The following NXPE2 variants were observed in gnomAD, a reference collection of about 807,000 sequenced individuals.
The protein encoded by NXPE2 is neurexophilin and PC-esterase domain family member 2, also known as NXPE family member 2.
A neutral mutation model predicts 34.4 loss-of-function variants in NXPE2; 34 were observed. The ratio of observed to expected loss-of-function variants is 0.99; its 90% CI spans 0.75 to 1.31. The LOEUF (loss-of-function observed/expected upper bound fraction) is 1.31, where lower values mean the gene tolerates loss of function less well. Among genes scored for constraint, NXPE2 ranks in the 40% most tolerant of loss-of-function variants. The pLI is 0.00. For missense variants in NXPE2, 649 were observed against 672.5 expected (o/e 0.97, Z 0.39); for synonymous variants, 235 against 231.3 (o/e 1.02, Z -0.15).
chr11:114,792,275 T>A, the NXPE2 span, among the ~76,000 whole-genome samples: 1 of 152,152 alleles, frequency 6.6e-6, no homozygotes, highest in Admixed American at 6.5e-5. Context: ...AAAATTTTTA[T>A]CATAATGATT....
chr11:114,773,789 G>T, the NXPE2 span, among the ~76,000 whole-genome samples: 1 of 152,218 alleles, frequency 6.6e-6, no homozygotes, highest in African/African-American at 2.4e-5. Context: ...GAAGAAGGGA[G>T]AATTTCTTCT....
chr11:114,624,380 G>A, the NXPE2 span, among the ~76,000 whole-genome samples: 3,627 of 151,378 alleles, frequency 0.024, 135 homozygotes, highest in African/African-American at 0.081. Context: ...ACTGTTTCCC[G>A]TTCAATGATA....
At chr11:114,638,215 C>G in the NXPE2 span, among the ~76,000 whole-genome samples, 4 of 152,080 alleles carry the variant, frequency 2.6e-5, no homozygotes, top group South Asian at 8.3e-4. Context: ...TCATTCATTT[C>G]GTCTTTCATC....
At chr11:114,791,929 G>A in the NXPE2 span, among the ~76,000 whole-genome samples, 1,075 of 152,198 alleles carry the variant, frequency 7.1e-3, 15 homozygotes, top group African/African-American at 0.023. Flanking sequence ...ATGGTGGTGG[G>A]CGCCTGTAGT....
At chr11:114,522,853 T>C in the NXPE2 span, 2 of 1,522,020 alleles carry the variant, frequency 1.3e-6, no homozygotes, top group Non-Finnish European at 1.8e-6. Context: ...CCTGAATTTC[T>C]AAGAGAATAT....
chr11:114,772,506 T>A, the NXPE2 span, among the ~76,000 whole-genome samples: 1 of 152,194 alleles, frequency 6.6e-6, no homozygotes, highest in South Asian at 2.1e-4. Context: ...ATGTAATATG[T>A]GATGTTCTGG....
the NXPE2 span, among the ~76,000 whole-genome samples, chr11:114,601,505 A>ATTATTTAT: frequency 2.5e-5 from 2 of 79,720 alleles, no homozygotes; most frequent in South Asian, 3.4e-4. Context: ...TATAGTATAT[A>ATTATTTAT]AATTATATAT....
chr11:114,601,861 A>G, the NXPE2 span, among the ~76,000 whole-genome samples: 1 of 12,262 alleles, frequency 8.2e-5, no homozygotes, highest in African/African-American at 5.2e-4. Context: ...TATATAATAT[A>G]CAATTATATA....
the NXPE2 span, among the ~76,000 whole-genome samples, chr11:114,627,832 A>G: frequency 6.6e-6 from 1 of 151,358 alleles, no homozygotes; most frequent in Non-Finnish European, 1.5e-5. Context: ...AAGATCTACC[A>G]AGCAAATGGA....
the NXPE2 span, among the ~76,000 whole-genome samples, chr11:114,577,835 A>T: frequency 1.2e-4 from 19 of 152,180 alleles, no homozygotes. Context: ...CTGAAATTAT[A>T]TTCTGTACTT....
At chr11:114,793,247 G>T in the NXPE2 span, among the ~76,000 whole-genome samples, 1 of 152,220 alleles carries the variant, frequency 6.6e-6, no homozygotes, top group East Asian at 1.9e-4. Context: ...TTTTCCTTCA[G>T]TTGTGGTACC....
the NXPE2 span, among the ~76,000 whole-genome samples, chr11:114,617,875 C>T: frequency 2.0e-5 from 3 of 152,048 alleles, no homozygotes; most frequent in African/African-American, 4.8e-5. Context: ...CATGGGTAAC[C>T]ACTCTTACCT....
chr11:114,521,479 C>T, the NXPE2 span, among the ~76,000 whole-genome samples: 1 of 152,182 alleles, frequency 6.6e-6, no homozygotes, highest in African/African-American at 2.4e-5. Context: ...TGTCCAGGCT[C>T]ATGGTATACA....
the NXPE2 span, among the ~76,000 whole-genome samples, chr11:114,806,767 G>A: frequency 4.0e-5 from 6 of 151,818 alleles, no homozygotes; most frequent in Admixed American, 6.6e-5. Context: ...AAAACACTCT[G>A]CAGGATATTA....
chr11:114,712,334 ACAAT>A, the NXPE2 span, among the ~76,000 whole-genome samples: 1 of 152,202 alleles, frequency 6.6e-6, no homozygotes, highest in Non-Finnish European at 1.5e-5. Flanking sequence ...GCCATAGAAA[ACAAT>A]CAACAGAATG....
At chr11:114,507,223 A>G in the NXPE2 span, among the ~76,000 whole-genome samples, 4 of 146,270 alleles carry the variant, frequency 2.7e-5, no homozygotes, top group South Asian at 9.4e-4. Flanking sequence ...AAATTGAGGC[A>G]GTGATAATAG....
the NXPE2 span, among the ~76,000 whole-genome samples, chr11:114,635,081 T>C: frequency 2.0e-5 from 3 of 151,890 alleles, no homozygotes; most frequent in African/African-American, 4.8e-5. Context: ...CGATATTGAT[T>C]CTTCCTACCC....
chr11:114,745,170 G>C, the NXPE2 span, among the ~76,000 whole-genome samples: 168 of 152,238 alleles, frequency 1.1e-3, no homozygotes, highest in African/African-American at 3.9e-3. Context: ...TGTTTGTGTT[G>C]CTATAAAGGA....
chr11:114,667,354 A>G, the NXPE2 span, among the ~76,000 whole-genome samples: 1 of 152,186 alleles, frequency 6.6e-6, no homozygotes, highest in African/African-American at 2.4e-5. Context: ...CTAAAATGTC[A>G]ATTTGAAGCT....
Sources: allele counts gnomAD v4.1 joint callset (sites outside exome capture counted in the v4.1 genomes callset), GRCh38; gene constraint gnomAD v4.1.1; transcripts MANE v1.5; gene names NCBI Gene and HGNC (gene_info 2026-07-23, HGNC 2026-07-21).